TMEM207: variants seen among roughly 807,000 people sequenced by gnomAD.
The protein encoded by TMEM207 is SRSR846.
TMEM207 carries 15 observed loss-of-function variants against 17.4 expected under a neutral mutation model. The ratio of observed to expected loss-of-function variants is 0.86; its 90% confidence interval spans 0.58 to 1.33. The LOEUF (loss-of-function observed/expected upper bound fraction) is 1.33. TMEM207 is among the 40% of genes most tolerant of loss of function. The probability of loss-of-function intolerance (pLI) is 0.00; values close to 1 mark genes in which losing one functional copy is unlikely to be tolerated. For synonymous variants in TMEM207, 70 were observed against 65.6 expected (o/e 1.07, Z -0.33); for missense variants, 205 against 173.8 (o/e 1.18, Z -1.01).
chr3:190,439,453 C>T (rs189574212), intron 4 of TMEM207, among the ~76,000 whole-genome samples: 286 of 152,294 alleles, frequency 1.9e-3, no homozygotes, highest in Non-Finnish European at 2.9e-3. Flanking sequence ...CTGTTAAGCG[C>T]TCCCGAGGTA....
intron 4 of TMEM207, among the ~76,000 whole-genome samples, chr3:190,438,700 A>C (rs1719857737): frequency 6.6e-6 from 1 of 152,220 alleles, no homozygotes; most frequent in Non-Finnish European, 1.5e-5. Flanking sequence ...AGATAAAAGA[A>C]GCATAATTGC....
At chr3:190,443,073 C>T (rs7428997) in intron 2 of TMEM207, among the ~76,000 whole-genome samples, 28,399 of 151,476 alleles carry the variant, frequency 0.19, 2,874 homozygotes, top group East Asian at 0.33. Flanking sequence ...AAAATTAAAA[C>T]CTTAAAAATA....
At chr3:190,439,108 G>T (rs375828434) in intron 4 of TMEM207, among the ~76,000 whole-genome samples, 1 of 146,896 alleles carries the variant, frequency 6.8e-6, no homozygotes, top group Non-Finnish European at 1.5e-5. Flanking sequence ...ACCCGGGAGG[G>T]GGAGCTTGCA....
intron 4 of TMEM207, among the ~76,000 whole-genome samples, chr3:190,433,662 A>ATGTGTGTT (rs1719739347): frequency 6.6e-6 from 1 of 151,980 alleles, no homozygotes; most frequent in African/African-American, 2.4e-5. Context: ...CTGTGGCTCA[A>ATGTGTGTT]TGTGTGTTTT....
chr3:190,440,432 C>A, intron 3 of TMEM207, 43 bp from the exon 4 acceptor site: 1 of 1,564,424 alleles, frequency 6.4e-7, no homozygotes. Flanking sequence ...GTAGAGTATG[C>A]AGGGAAGTTA....
At chr3:190,445,199 T>C (rs1232042118) in intron 2 of TMEM207, among the ~76,000 whole-genome samples, 1 of 152,182 alleles carries the variant, frequency 6.6e-6, no homozygotes, top group Non-Finnish European at 1.5e-5. Flanking sequence ...CATTAGAAAA[T>C]CTATCAATGC....
In TMEM207 at chr3:190,447,776, C is replaced by T. The variant is rs770667198; in HGVS notation, c.113+14G>A. The T allele has an allele frequency of 2.1e-5, 33 of 1,609,294 alleles. No individual in the cohort carries two copies. The highest frequency in any genetic ancestry group is 3.3e-4 in the Middle Eastern group (2 of 6,070). On this transcript the variant is annotated intron_variant, in intron 2 of 4. Transcript: ENST00000354905. Reference sequence around the variant, plus strand: ...TGCGAAATAAAAACATGGAGTTTTTCGCTGTTTACTTACATTTCATCTTCT... The same window carrying T: ...TGCGAAATAAAAACATGGAGTTTTTTGCTGTTTACTTACATTTCATCTTCT...
intron 4 of TMEM207, 96 bp from the exon 5 acceptor site, chr3:190,429,827 T>C: frequency 7.4e-7 from 1 of 1,354,936 alleles, no homozygotes. Flanking sequence ...CTTGGATCGC[T>C]GAAGCAACAG....
chr3:190,448,811 C>T (rs951737471), intron 1 of TMEM207, among the ~76,000 whole-genome samples: 1 of 152,118 alleles, frequency 6.6e-6, no homozygotes, highest in African/African-American at 2.4e-5. Context: ...ATTTACTCCA[C>T]CAAGTTTATC....
At chr3:190,436,964 T>C (rs1291551105) in intron 4 of TMEM207, among the ~76,000 whole-genome samples, 6 of 152,090 alleles carry the variant, frequency 3.9e-5, no homozygotes, top group South Asian at 2.1e-4. Context: ...TGGGACAAGA[T>C]GGAACATCGG....
intron 4 of TMEM207, among the ~76,000 whole-genome samples, chr3:190,436,349 G>A (rs745492205): frequency 2.0e-5 from 3 of 152,206 alleles, no homozygotes; most frequent in Admixed American, 6.5e-5. Context: ...ATGGCAGGGA[G>A]TCCAGAAACC....
chr3:190,446,851 G>A (rs1720062746), intron 2 of TMEM207, among the ~76,000 whole-genome samples: 1 of 152,168 alleles, frequency 6.6e-6, no homozygotes, highest in African/African-American at 2.4e-5. Flanking sequence ...AGGGCAGCCA[G>A]GAAATCCTGA....
intron 4 of TMEM207, among the ~76,000 whole-genome samples, 192 bp from the exon 5 acceptor site, chr3:190,429,923 A>T (rs1449366056): frequency 2.0e-5 from 3 of 152,118 alleles, no homozygotes; most frequent in African/African-American, 7.2e-5. Flanking sequence ...GGAAAAAAAA[A>T]ATTGCTTGCC....
rs142209176 is a variant in TMEM207, at chr3:190,429,825, G to A, written c.305-94C>T. ...GATAAAATCTGGCATTGCTTGGATC[G>A]CTGAAGCAACAGAAAATTATTTGTA... On this transcript the variant is annotated intron_variant, in intron 4 of 4. Coordinates refer to ENST00000354905, the MANE Select transcript of TMEM207 (RefSeq NM_207316.3). 42 of 1,354,866 alleles carry A rather than the reference G, an allele frequency of 3.1e-5. No homozygotes were observed. In the African/African-American group the frequency reaches 5.4e-4, roughly 17 times the overall value. 83.9% of individuals were successfully genotyped at this position (1,354,866 alleles called of 1,614,324 possible). A position where few individuals can be genotyped will look rare whatever the true frequency, so the allele number is the denominator to read the frequency against.
intron 4 of TMEM207, 81 bp from the exon 5 acceptor site, chr3:190,429,812 C>T (rs1338994683): frequency 2.2e-5 from 31 of 1,422,142 alleles, no homozygotes; most frequent in Non-Finnish European, 2.7e-5. Context: ...TAAAATCTGG[C>T]ATTGCTTGGA....
In TMEM207 at chr3:190,441,202, G is replaced by A. The variant is rs562251273; in HGVS notation, c.158+236C>T. 2.0e-5 allele frequency among the ~76,000 whole-genome samples: 3 copies of A among 152,308 alleles called. No individual in the cohort carries two copies. In the South Asian group the frequency reaches 6.2e-4, roughly 32 times the overall value. ...CAAGACAAATAACAATTATTTTGCT[G>A]TTAAAGATTTTCAACTCTAGAATAA... On this transcript the variant is annotated intron_variant, in intron 3 of 4. Coordinates refer to ENST00000354905, the MANE Select transcript of TMEM207 (RefSeq NM_207316.3).
intron 4 of TMEM207, among the ~76,000 whole-genome samples, chr3:190,430,971 C>A (rs116661199): frequency 2.0e-5 from 3 of 152,164 alleles, no homozygotes; most frequent in Admixed American, 6.5e-5. Flanking sequence ...AGGATCCATA[C>A]GGAGATTACT....
chr3:190,444,821 T>C (rs1490284735), intron 2 of TMEM207, among the ~76,000 whole-genome samples: 1 of 152,206 alleles, frequency 6.6e-6, no homozygotes, highest in Non-Finnish European at 1.5e-5. Flanking sequence ...TTTTCCATAG[T>C]ATTCTCAGAA....
Position 190,449,900 on chromosome 3 carries a change from C to T in TMEM207, c.-91G>A. On this transcript the variant is annotated 5_prime_UTR_variant, in exon 1 of 5. Coordinates refer to ENST00000354905, the MANE Select transcript of TMEM207 (RefSeq NM_207316.3). ...CTTACTAGCTTCTCTATAAGTTATG[C>T]TTCCTACCAGGACATGCATTAATAA... 2 of 1,188,178 alleles carry T rather than the reference C, an allele frequency of 1.7e-6. No individual in the cohort carries two copies. Among genetic ancestry groups the T allele is most frequent in the Non-Finnish European group, 2.5e-6 (2 of 804,270 alleles). 73.6% of individuals were successfully genotyped at this position (1,188,178 alleles called of 1,614,324 possible).
Sources: allele counts gnomAD v4.1 joint callset (sites outside exome capture counted in the v4.1 genomes callset), GRCh38; gene constraint gnomAD v4.1.1; transcripts MANE v1.5; gene names NCBI Gene and HGNC (gene_info 2026-07-23, HGNC 2026-07-21).